The following NLK variants were observed in gnomAD, a reference collection of about 807,000 sequenced individuals.
The protein encoded by NLK is nemo like kinase.
NLK carries 11 observed loss-of-function variants against 59.0 expected under a neutral mutation model. The observed-to-expected ratio is 0.19, with a 90% confidence interval of 0.12 to 0.31. The LOEUF is 0.31. Ranked by LOEUF, NLK falls within the 10% of genes least tolerant of loss-of-function variation. The pLI is 1.00. For synonymous variants in NLK, 235 were observed against 235.9 expected (o/e 1.00, Z 0.03); for missense variants, 410 against 661.1 (o/e 0.62, Z 4.16).
intron 1 of NLK, among the ~76,000 whole-genome samples, chr17:28,111,896 G>GTGTGTGTGTGT (rs1394476582): frequency 4.4e-5 from 3 of 67,484 alleles, no homozygotes; most frequent in African/African-American, 1.2e-4. Context: ...GTGTGTGTGT[G>GTGTGTGTGTGT]GTGTGTGTGT....
rs142600752 is a variant in NLK, at chr17:28,085,307, G to A, written c.459-37296G>A. 1.8e-3 allele frequency among the ~76,000 whole-genome samples: 278 copies of A among 152,208 alleles called. 1 individual carries two copies. Among genetic ancestry groups the A allele is most frequent in the African/African-American group, 6.3e-3 (262 of 41,510 alleles). ...TTCCATTATCATCCCCCAACCCAGA[G>A]CATTTTTTGGAGCATTCTTCACAAA... On this transcript the variant is annotated intron_variant, in intron 1 of 10. Transcript: ENST00000407008.
At chr17:28,079,851 G>T (rs571503122) in intron 1 of NLK, among the ~76,000 whole-genome samples, 50 of 152,192 alleles carry the variant, frequency 3.3e-4, no homozygotes, top group African/African-American at 1.2e-3. Context: ...TGCTTTTGTT[G>T]TCTGTGCTTT....
chr17:28,129,693 A>ATATTCT (rs577332721), intron 2 of NLK, among the ~76,000 whole-genome samples: 98 of 152,216 alleles, frequency 6.4e-4, no homozygotes, highest in Non-Finnish European at 8.4e-4. Flanking sequence ...TGTGTTCCTT[A>ATATTCT]TATTCTTATT....
At position 28,195,880 on chromosome 17, in the gene NLK, AAAGAC is replaced by A. The variant is rs1909469434; in HGVS notation, c.*1249_*1253del. ...CTTCCAACTTTTATATTAAAAATAA[AAAGAC>A]AAGAAAATTGAAGATCATTTTTCAC... On this transcript the variant is annotated 3_prime_UTR_variant, in exon 11 of 11. Coordinates refer to ENST00000407008, the MANE Select transcript of NLK (RefSeq NM_016231.5). 6.6e-6 allele frequency: 1 copy of A among 152,622 alleles called. No individual in the cohort carries two copies. Among genetic ancestry groups the A allele is most frequent in the Non-Finnish European group, 1.5e-5 (1 of 68,048 alleles). 9.5% of individuals were successfully genotyped at this position (152,622 alleles called of 1,614,324 possible).
chr17:28,204,626 A>C, the NLK span, among the ~76,000 whole-genome samples: 2 of 152,214 alleles, frequency 1.3e-5, no homozygotes, highest in African/African-American at 4.8e-5. Flanking sequence ...GGGATACATC[A>C]GTGAAGAAAC....
At chr17:28,152,664 C>T (rs754790566) in intron 3 of NLK, among the ~76,000 whole-genome samples, 9 of 152,046 alleles carry the variant, frequency 5.9e-5, no homozygotes, top group Non-Finnish European at 1.3e-4. Context: ...AACTCTGTCA[C>T]CCAGGTGGGA....
intron 2 of NLK, among the ~76,000 whole-genome samples, chr17:28,130,904 A>C (rs1341094378): frequency 2.0e-5 from 3 of 152,158 alleles, no homozygotes; most frequent in Admixed American, 2.0e-4. Flanking sequence ...GAAATGAAAT[A>C]ATGCATCTGT....
intron 1 of NLK, among the ~76,000 whole-genome samples, chr17:28,103,879 ACACT>A (rs1904985078): frequency 6.6e-6 from 1 of 152,244 alleles, no homozygotes; most frequent in Non-Finnish European, 1.5e-5. Flanking sequence ...TTTGTTGTAT[ACACT>A]CACTCTATTT....
chr17:28,070,740 T>TTAATTTTAAAGTAAAATAC (rs1250150821), intron 1 of NLK, among the ~76,000 whole-genome samples: 1 of 151,620 alleles, frequency 6.6e-6, no homozygotes, highest in African/African-American at 2.4e-5. Context: ...AAGTAAAATA[T>TTAATTTTAAAGTAAAATAC]TAATTTTAAA....
chr17:28,048,327 C>T (rs1390123307), intron 1 of NLK: 1 of 188,672 alleles, frequency 5.3e-6, no homozygotes, highest in East Asian at 1.3e-4. Context: ...AAAAAATAAA[C>T]TTGTTTTATT....
At chr17:28,159,090 T>C (rs977007126) in intron 3 of NLK, among the ~76,000 whole-genome samples, 1 of 152,070 alleles carries the variant, frequency 6.6e-6, no homozygotes, top group Non-Finnish European at 1.5e-5. Flanking sequence ...GTTAACCAAA[T>C]AGATGTCAGG....
At chr17:28,104,228 G>T (rs1009952233) in intron 1 of NLK, among the ~76,000 whole-genome samples, 3 of 151,974 alleles carry the variant, frequency 2.0e-5, no homozygotes, top group Non-Finnish European at 4.4e-5. Flanking sequence ...GTGGGGCCTG[G>T]TCAGTGGAAG....
intron 2 of NLK, among the ~76,000 whole-genome samples, chr17:28,124,789 C>T (rs960260017): frequency 3.3e-5 from 5 of 152,054 alleles, no homozygotes; most frequent in African/African-American, 1.2e-4. Flanking sequence ...GTAGCTCATG[C>T]TTGTAATCCC....
intron 1 of NLK, among the ~76,000 whole-genome samples, chr17:28,106,707 A>T (rs1251478217): frequency 6.6e-6 from 1 of 152,200 alleles, no homozygotes; most frequent in Non-Finnish European, 1.5e-5. Context: ...GGTGCAATGA[A>T]ATTGGAAATG....
intron 1 of NLK, among the ~76,000 whole-genome samples, chr17:28,094,630 A>G (rs1326982472): frequency 2.6e-5 from 4 of 152,188 alleles, no homozygotes; most frequent in South Asian, 4.1e-4. Flanking sequence ...GGCAAATTAC[A>G]TTATTTATAG....
Position 28,168,668 on chromosome 17 carries a change from A to G in NLK, c.1047+11A>G. 6.2e-7 allele frequency: 1 copy of G among 1,602,804 alleles called. No individual in the cohort carries two copies. The highest frequency in any genetic ancestry group is 8.5e-7 in the Non-Finnish European group (1 of 1,169,778). On this transcript the variant is annotated intron_variant, in intron 6 of 10. Transcript: ENST00000407008. The stretch of plus-strand genomic sequence containing the variant: ...AGTCCCATTCAGCAGGTATGATTTC[A>G]ATTTAAGGCTTTAGTTGCAATTCTA...
At chr17:28,199,701 A>C (rs1025600074), downstream of NLK, among the ~76,000 whole-genome samples, 33 of 151,252 alleles carry the variant, frequency 2.2e-4, no homozygotes, top group Middle Eastern at 6.8e-3. Context: ...AAAACAAAAA[A>C]AAAAAACAAC....
At chr17:28,086,177 C>G (rs758924455) in intron 1 of NLK, among the ~76,000 whole-genome samples, 1 of 151,974 alleles carries the variant, frequency 6.6e-6, no homozygotes, top group Non-Finnish European at 1.5e-5. Context: ...TCAAAAGATA[C>G]GAAAGGATTT....
intron 1 of NLK, among the ~76,000 whole-genome samples, chr17:28,106,050 A>G (rs1905068814): frequency 6.6e-6 from 1 of 152,194 alleles, no homozygotes; most frequent in South Asian, 2.1e-4. Flanking sequence ...TTTTCCAAGT[A>G]TGTTTCCCAA....
Sources: allele counts gnomAD v4.1 joint callset (sites outside exome capture counted in the v4.1 genomes callset), GRCh38; gene constraint gnomAD v4.1.1; transcripts MANE v1.5; gene names NCBI Gene and HGNC (gene_info 2026-07-23, HGNC 2026-07-21).